Variants in ZBTB1 observed in about 807,000 individuals in gnomAD.
ZBTB1 encodes the protein zinc finger and BTB domain-containing protein 1.
In ZBTB1, 13 loss-of-function variants were observed where a neutral mutation model predicts 51.6. The ratio of observed to expected loss-of-function variants is 0.25; its 90% CI spans 0.16 to 0.40. ZBTB1 has a LOEUF of 0.40. Among genes scored for constraint, ZBTB1 ranks in the 10% least tolerant of loss-of-function variants. ZBTB1 has a pLI of 1.00. For missense variants in ZBTB1, 567 were observed against 856.5 expected, an observed-to-expected ratio of 0.66 and a Z score of 4.22; for synonymous variants, 240 against 282.2, an observed-to-expected ratio of 0.85 and a Z score of 1.50.
chr14:64,527,830 A>G (rs1300391570), downstream of ZBTB1, among the ~76,000 whole-genome samples: 1 of 152,186 alleles, frequency 6.6e-6, no homozygotes, highest in East Asian at 1.9e-4. Context: ...AAAATATATG[A>G]ACAGGATATA....
At chr14:64,503,856 T>G (rs1283866776), upstream of ZBTB1, 1 of 152,370 alleles carries the variant, frequency 6.6e-6, no homozygotes, top group African/African-American at 2.4e-5. Flanking sequence ...AGGGCCGGGG[T>G]GTGCGTGCGT....
chr14:64,523,886 A>T lies in ZBTB1; in HGVS notation c.*240A>T. ...TTAGTTTTTCTTAGCTATGATTAAAATTTTTAAATGTAGACTACAAGTGGT... is the reference window on the plus strand; with the variant it reads ...TTAGTTTTTCTTAGCTATGATTAAATTTTTTAAATGTAGACTACAAGTGGT... On this transcript the variant is annotated 3_prime_UTR_variant, in exon 2 of 2. Transcript: ENST00000683701. The surrounding 1 kb of genome is among the most constrained non-coding windows in gnomAD (Gnocchi z 4.5). 1 of 1,193,894 alleles carries T rather than the reference A, an allele frequency of 8.4e-7. No homozygotes were observed. The highest frequency in any genetic ancestry group is 1.0e-6 in the Non-Finnish European group (1 of 952,604). 74.0% of individuals were successfully genotyped at this position (1,193,894 alleles called of 1,614,324 possible).
chr14:64,505,108 C>G (rs1280972688), intron 1 of ZBTB1, 162 bp downstream of exon 1: 4 of 349,918 alleles, frequency 1.1e-5, no homozygotes, highest in Admixed American at 4.8e-5. Flanking sequence ...GGGCGGCTGC[C>G]AGGCCGCCTG....
rs1229943412 is a variant in ZBTB1, at chr14:64,521,641, G to T, written c.137G>T (p.Ser46Ile). The T allele has an allele frequency of 6.2e-7, 1 of 1,614,196 alleles. No individual in the cohort carries two copies. ...CACAAGGCAGTTCTAGCTGCCTGTA[G>T]CTCCTATTTTAGAATGTTTTTCATG... ...QAHKAVLAAC[S>I]SYFRMFFMNH... is the part of the protein sequence containing the mutation. The change falls in exon 2 of 2, where the codon AGC becomes ATC. Residue 46 changes from serine (S) to isoleucine (I), a missense_variant. Coordinates refer to ENST00000683701, the MANE Select transcript of ZBTB1 (RefSeq NM_001123329.2).
In ZBTB1 at chr14:64,504,866, T is replaced by A; in HGVS notation, c.-99T>A. Reference sequence around the variant, plus strand: ...CGCCGCCACTGCAGCTCGCGGCCCCTTCGCCTTCGCCCGCCTTTCCCGCGG... The same window carrying A: ...CGCCGCCACTGCAGCTCGCGGCCCCATCGCCTTCGCCCGCCTTTCCCGCGG... On this transcript the variant is annotated 5_prime_UTR_variant, in exon 1 of 2. Coordinates refer to ENST00000683701, the MANE Select transcript of ZBTB1 (RefSeq NM_001123329.2). 2.5e-6 allele frequency: 1 copy of A among 396,930 alleles called. No homozygotes were observed. Among genetic ancestry groups the A allele is most frequent in the Non-Finnish European group, 4.4e-6 (1 of 225,158 alleles). 24.6% of individuals were successfully genotyped at this position (396,930 alleles called of 1,614,324 possible).
chr14:64,509,898 A>G (rs2079706511), intron 1 of ZBTB1, among the ~76,000 whole-genome samples: 1 of 151,742 alleles, frequency 6.6e-6, no homozygotes, highest in South Asian at 2.1e-4. Flanking sequence ...AATGGCGTGA[A>G]CCTGGGAGGC....
chr14:64,524,021 C>T lies in ZBTB1; in HGVS notation c.*375C>T, dbSNP rs1374133094. On this transcript the variant is annotated 3_prime_UTR_variant, in exon 2 of 2. Coordinates refer to ENST00000683701, the MANE Select transcript of ZBTB1 (RefSeq NM_001123329.2). Reference sequence around the variant, plus strand: ...AAGGTTATCCTGTGAAATTTTAAACCCAGAATCATTGGCCATTTCTGTTTA... The same window carrying T: ...AAGGTTATCCTGTGAAATTTTAAACTCAGAATCATTGGCCATTTCTGTTTA... 1 of 1,002,462 alleles carries T rather than the reference C, an allele frequency of 1.0e-6. No individual in the cohort carries two copies. 62.1% of individuals were successfully genotyped at this position (1,002,462 alleles called of 1,614,324 possible). A position where few individuals can be genotyped will look rare whatever the true frequency, so the allele number is the denominator to read the frequency against.
chr14:64,519,869 A>G (rs1034128738), intron 1 of ZBTB1, among the ~76,000 whole-genome samples: 3 of 152,188 alleles, frequency 2.0e-5, no homozygotes, highest in African/African-American at 7.2e-5. Flanking sequence ...CCTGAAATGC[A>G]TGTTGAGCAA....
intron 1 of ZBTB1, among the ~76,000 whole-genome samples, chr14:64,513,428 A>C (rs920903841): frequency 6.6e-6 from 1 of 152,096 alleles, no homozygotes; most frequent in Non-Finnish European, 1.5e-5. Context: ...CAGTAAAGCA[A>C]ATCTACCTTC....
Position 64,524,087 on chromosome 14 carries a change from G to C in ZBTB1, c.*441G>C. On this transcript the variant is annotated 3_prime_UTR_variant, in exon 2 of 2. Coordinates refer to ENST00000683701, the MANE Select transcript of ZBTB1 (RefSeq NM_001123329.2). ...TTAAGTAATTATTTGAAACTATCCC[G>C]TTTGCTTTTAGTGAGTTAACTACTC... The C allele has an allele frequency of 1.0e-6, 1 of 983,340 alleles. No homozygotes were observed. Among genetic ancestry groups the C allele is most frequent in the Non-Finnish European group, 1.2e-6 (1 of 829,006 alleles). 60.9% of individuals were successfully genotyped at this position (983,340 alleles called of 1,614,324 possible).
At chr14:64,526,479 C>T (rs868244060), downstream of ZBTB1, among the ~76,000 whole-genome samples, 13 of 152,258 alleles carry the variant, frequency 8.5e-5, no homozygotes, top group African/African-American at 3.1e-4. Flanking sequence ...AAAGGAGAAT[C>T]TACACAGATA....
At chr14:64,505,469 G>C (rs1405520872) in intron 1 of ZBTB1, among the ~76,000 whole-genome samples, 1 of 152,172 alleles carries the variant, frequency 6.6e-6, no homozygotes, top group Non-Finnish European at 1.5e-5. Context: ...CACGCTTTTT[G>C]TTCAGTAAAA....
chr14:64,523,357 A>C lies in ZBTB1; in HGVS notation c.1853A>C (p.Glu618Ala). 6.2e-7 allele frequency: 1 copy of C among 1,614,196 alleles called. No individual in the cohort carries two copies. The highest frequency in any genetic ancestry group is 8.5e-7 in the Non-Finnish European group (1 of 1,180,024). ...ACATGTGGAAAGCAGTTTTTAAGAG[A>C]GCGTCAGTTGCGACTGCACAATGAT... ...CQTCGKQFLR[E>A]RQLRLHNDMH... The change falls in exon 2 of 2, where the codon GAG becomes GCG. Residue 618 changes from glutamate to alanine, a missense_variant. By Grantham distance (107) the Glu-to-Ala change is moderately radical (BLOSUM62 -1). This residue lies in a region of ZBTB1 where 69 missense variants were observed against 171.8 expected (regional missense o/e 0.40). Transcript: ENST00000683701. This position sits in a 1 kb window ranked among gnomAD's most constrained non-coding sequence, Gnocchi z 4.5.
intron 1 of ZBTB1, among the ~76,000 whole-genome samples, chr14:64,517,776 TATATA>T (rs371264533): frequency 0.05 from 2,501 of 50,366 alleles, 63 homozygotes; most frequent in East Asian, 0.11. Context: ...TATATATATA[TATATA>T]TTTTTTTTTT....
downstream of ZBTB1, among the ~76,000 whole-genome samples, chr14:64,525,418 A>G (rs1192602256): frequency 6.6e-6 from 1 of 151,446 alleles, no homozygotes; most frequent in African/African-American, 2.4e-5. Flanking sequence ...CCAACTTAAA[A>G]TGAAATGTGG....
downstream of ZBTB1, among the ~76,000 whole-genome samples, chr14:64,528,491 G>C (rs1251312539): frequency 5.3e-5 from 8 of 151,626 alleles, no homozygotes; most frequent in Non-Finnish European, 1.2e-4. Context: ...ACAACTTCTG[G>C]GATTGCAGGG....
rs1308488647 is a variant in ZBTB1, at chr14:64,524,847, A to C, written c.*1201A>C. ...AACAGTTTATCATTTTTTCAGTTAA[A>C]GTAGTAGTATTGTTAGTTGTTGCTG... On this transcript the variant is annotated 3_prime_UTR_variant, in exon 2 of 2. Coordinates refer to ENST00000683701, the MANE Select transcript of ZBTB1 (RefSeq NM_001123329.2). 2.2e-5 allele frequency: 22 copies of C among 984,952 alleles called. No individual in the cohort carries two copies. The highest frequency in any genetic ancestry group is 2.7e-5 in the Non-Finnish European group (22 of 829,628). 61.0% of individuals were successfully genotyped at this position (984,952 alleles called of 1,614,324 possible).
At chr14:64,503,739 C>A (rs1002100238), upstream of ZBTB1, 39 of 427,260 alleles carry the variant, frequency 9.1e-5, no homozygotes, top group African/African-American at 7.1e-4. Context: ...CAAGCAGTGG[C>A]GCCGGCTCAC....
At position 64,505,383 on chromosome 14, in the gene ZBTB1, G is replaced by A. The variant is rs941635230; in HGVS notation, c.-19+437G>A. On this transcript the variant is annotated intron_variant, in intron 1 of 1. Coordinates refer to ENST00000683701, the MANE Select transcript of ZBTB1 (RefSeq NM_001123329.2). ...CCGGAGCCCGAGGCTGCAGACTTGG[G>A]CGCGCTCCGAGGGAGGAGGCGTAAG... Among the ~76,000 whole-genome samples, 5 of 152,166 alleles carry A rather than the reference G, an allele frequency of 3.3e-5. 1 individual carries two copies. Among genetic ancestry groups the A allele is most frequent in the Admixed American group, 3.3e-4 (5 of 15,268 alleles).
Sources: gnomAD v4.1 joint callset for allele counts (sites outside exome capture counted in the v4.1 genomes callset) on GRCh38, gnomAD v4.1.1 for gene constraint, gnomAD v4.1.1 regional missense constraint, Gnocchi (gnomAD v3.1) non-coding constraint, MANE v1.5 for transcripts, NCBI Gene and HGNC (gene_info 2026-07-23, HGNC 2026-07-21) for gene names.